Variants in PDE4D observed in about 807,000 individuals in gnomAD.
PDE4D encodes phosphodiesterase 4D, also known as 3',5'-cyclic-AMP phosphodiesterase 4D.
PDE4D carries 24 observed loss-of-function variants against 87.4 expected under a neutral mutation model. That is an observed-to-expected ratio of 0.27 (90% confidence interval 0.20 to 0.39). The LOEUF (loss-of-function observed/expected upper bound fraction) is 0.39. PDE4D is among the 10% of genes least tolerant of loss of function. The probability of loss-of-function intolerance (pLI) is 1.00; values close to 1 mark genes in which losing one functional copy is unlikely to be tolerated. For missense variants in PDE4D, 714 were observed against 1,041.0 expected (o/e 0.69, Z 4.32); for synonymous variants, 384 against 383.2 (o/e 1.00, Z -0.02).
chr5:59,850,050 G>T (rs550601019), intron 1 of PDE4D, among the ~76,000 whole-genome samples: 1 of 152,134 alleles, frequency 6.6e-6, no homozygotes. Flanking sequence ...GATTTGCATT[G>T]ATTAACGTGT....
intron 1 of PDE4D, among the ~76,000 whole-genome samples, chr5:59,326,532 CTT>C (rs1341130064): frequency 7.3e-5 from 11 of 151,654 alleles, no homozygotes; most frequent in Admixed American, 7.2e-4. Flanking sequence ...ATTTTGAAGA[CTT>C]AGTATGAAAA....
intron 1 of PDE4D, among the ~76,000 whole-genome samples, chr5:59,891,769 T>C (rs1402712740): frequency 1.5e-5 from 2 of 137,132 alleles, no homozygotes; most frequent in African/African-American, 3.0e-5. Flanking sequence ...ACATAGTGTA[T>C]ACAACAGAGA....
intron 1 of PDE4D, among the ~76,000 whole-genome samples, chr5:59,372,594 T>A (rs531938792): frequency 6.6e-6 from 1 of 152,192 alleles, no homozygotes; most frequent in Non-Finnish European, 1.5e-5. Context: ...CTATCACTCC[T>A]GCTTGTGGGG....
intron 1 of PDE4D, among the ~76,000 whole-genome samples, chr5:59,876,268 AAATT>A (rs1748593596): frequency 6.6e-6 from 1 of 152,178 alleles, no homozygotes; most frequent in Admixed American, 6.5e-5. Flanking sequence ...CAAGCCTCAC[AAATT>A]AATAAATGAT....
chr5:60,330,358 A>G (rs905503028), intron 1 of PDE4D, among the ~76,000 whole-genome samples: 3 of 152,360 alleles, frequency 2.0e-5, no homozygotes, highest in Admixed American at 6.5e-5. Flanking sequence ...AGACAGACAA[A>G]TAAGCCCAAA....
chr5:59,837,278 C>A (rs754957080), intron 1 of PDE4D, among the ~76,000 whole-genome samples: 1 of 152,050 alleles, frequency 6.6e-6, no homozygotes, highest in Non-Finnish European at 1.5e-5. Flanking sequence ...TAATTCTACC[C>A]CCTGTCCAGT....
chr5:59,593,459 GATGACAGTTCTTCTATC>G (rs1826196870), intron 1 of PDE4D, among the ~76,000 whole-genome samples: 1 of 152,090 alleles, frequency 6.6e-6, no homozygotes, highest in Admixed American at 6.5e-5. Flanking sequence ...TTAAACTTCT[GATGACAGTTCTTCTATC>G]ACTCAACCTC....
intron 2 of PDE4D, among the ~76,000 whole-genome samples, chr5:60,178,388 G>A (rs13158277): frequency 0.058 from 8,832 of 152,150 alleles, 289 homozygotes; most frequent in Middle Eastern, 0.085. Flanking sequence ...TTTCATTTAT[G>A]TTGGGTGAGG....
At chr5:60,473,937 C>CT (rs1379489712) in intron 1 of PDE4D, among the ~76,000 whole-genome samples, 1 of 150,150 alleles carries the variant, frequency 6.7e-6, no homozygotes, top group Non-Finnish European at 1.5e-5. Flanking sequence ...GTAAAACAAC[C>CT]TTTTTTTCCT....
chr5:59,421,267 C>T (rs1191822319), intron 1 of PDE4D, among the ~76,000 whole-genome samples: 3 of 152,192 alleles, frequency 2.0e-5, no homozygotes, highest in East Asian at 1.9e-4. Context: ...TGTTTATACT[C>T]GAGGTCAATT....
chr5:60,480,446 C>T (rs1323507310), intron 1 of PDE4D, among the ~76,000 whole-genome samples: 1 of 152,062 alleles, frequency 6.6e-6, no homozygotes, highest in Non-Finnish European at 1.5e-5. Context: ...CAGATAGGTA[C>T]TATTGTTATC....
rs564296476 is a variant in PDE4D at position 59,949,734 on chromosome 5, T to A, written c.272+38754A>T. Among the ~76,000 whole-genome samples, 57 of 152,314 alleles carry A rather than the reference T, an allele frequency of 3.7e-4. 2 individuals are homozygous for A. The South Asian group carries it at 0.011, about 30-fold the overall frequency. On this transcript the variant is annotated intron_variant, in intron 3 of 16. Coordinates refer to the PDE4D transcript ENST00000502484. ...ACCTGCTATATTTTATATTTGAGAT[T>A]ACATGCATTATCTACTCTCTAAATC...
At chr5:59,299,304 T>C (rs1769711762) in intron 1 of PDE4D, among the ~76,000 whole-genome samples, 1 of 152,148 alleles carries the variant, frequency 6.6e-6, no homozygotes, top group Admixed American at 6.5e-5. Flanking sequence ...ATCTCACAGT[T>C]GGGATAACTC....
At chr5:59,112,749 C>T (rs917756814) in intron 5 of PDE4D, among the ~76,000 whole-genome samples, 2 of 151,632 alleles carry the variant, frequency 1.3e-5, no homozygotes. Context: ...CCCTTCCTTC[C>T]TCTCTTCTTT....
In PDE4D at chr5:59,814,793, C is replaced by A. The variant is rs1422817245; in HGVS notation, c.455+78375G>T. The stretch of plus-strand genomic sequence containing the variant: ...TTTGTTCAGAAATGTAATTCCTGAT[C>A]TGATTATAAGAGTTCAAAGCTGAAA... On this transcript the variant is annotated intron_variant, in intron 1 of 14. Transcript: ENST00000340635. Among the ~76,000 whole-genome samples, 56 of 151,820 alleles carry A rather than the reference C, an allele frequency of 3.7e-4. 1 individual carries two copies. Among genetic ancestry groups the A allele is most frequent in the Admixed American group, 3.7e-3 (56 of 15,246 alleles).
At chr5:59,007,725 G>T (rs1285544497) in intron 6 of PDE4D, among the ~76,000 whole-genome samples, 1 of 151,984 alleles carries the variant, frequency 6.6e-6, no homozygotes, top group Non-Finnish European at 1.5e-5. Context: ...AACATCTCTT[G>T]TAAGTTTTAT....
rs1455959262 is a variant in PDE4D at position 60,063,248 on chromosome 5, G to A, written c.43-74531C>T. On this transcript the variant is annotated intron_variant, in intron 2 of 16. Transcript: ENST00000502484. ...AACCTCAATACAGGAATATATTTAT[G>A]TAAACATTAGGATCCACTCTTAGGT... 2.0e-5 allele frequency among the ~76,000 whole-genome samples: 3 copies of A among 152,036 alleles called. No homozygotes were observed. The East Asian group carries it at 5.8e-4, about 29-fold the overall frequency.
Position 59,668,762 on chromosome 5 carries a change from A to AAAGAAGAAGAAGAAAG in PDE4D, c.455+224390_455+224405dup, listed in dbSNP as rs1338117240. 1.9e-3 allele frequency among the ~76,000 whole-genome samples: 256 copies of AAAGAAGAAGAAGAAAG among 138,212 alleles called. 8 individuals carry two copies. Among genetic ancestry groups the AAAGAAGAAGAAGAAAG allele is most frequent in the African/African-American group, 6.5e-3 (238 of 36,488 alleles). 90.7% of individuals were successfully genotyped at this position (138,212 alleles called of 152,430 possible). Reference sequence around the variant, plus strand: ...AAGAAGAAGAAGAAGAAGAAAGAAGAAAGAAGAAGAAGAAAGAAGAAGAAG... The same window carrying AAAGAAGAAGAAGAAAG: ...AAGAAGAAGAAGAAGAAGAAAGAAGAAAGAAGAAGAAGAAAGAAGAAGAAGAAGAAAGAAGAAGAAG... On this transcript the variant is annotated intron_variant, in intron 1 of 14. Transcript: ENST00000340635.
chr5:60,162,106 T>C (rs1782516316), intron 2 of PDE4D, among the ~76,000 whole-genome samples: 2 of 151,960 alleles, frequency 1.3e-5, no homozygotes, highest in South Asian at 4.2e-4. Flanking sequence ...ACAGTGGGGG[T>C]GGGGGCCTCT....
Sources: allele counts gnomAD v4.1 joint callset (sites outside exome capture counted in the v4.1 genomes callset), GRCh38; gene constraint gnomAD v4.1.1; transcripts MANE v1.5; gene names NCBI Gene and HGNC (gene_info 2026-07-23, HGNC 2026-07-21).